Variants in CHD1 observed in about 807,000 individuals in gnomAD.
The protein encoded by CHD1 is ATP-dependent chromatin remodeler CHD1.
In CHD1, 36 loss-of-function variants were observed where a neutral mutation model predicts 224.2. The observed-to-expected ratio is 0.16, with a 90% CI of 0.12 to 0.21. The LOEUF is 0.21. CHD1 is among the 10% of genes least tolerant of loss of function. The pLI is 1.00. For missense variants in CHD1, 1,378 were observed against 1,994.8 expected (o/e 0.69, Z 5.89); for synonymous variants, 668 against 658.3 (o/e 1.01, Z -0.23).
chr5:98,862,644 A>AT, intron 32 of CHD1, among the ~76,000 whole-genome samples: 1 of 152,294 alleles, frequency 6.6e-6, no homozygotes, highest in South Asian at 2.1e-4. Flanking sequence ...GATGTTCCTT[A>AT]TTTCTCATCT....
chr5:98,905,981 C>T (rs1752025126), intron 2 of CHD1, among the ~76,000 whole-genome samples: 1 of 152,190 alleles, frequency 6.6e-6, no homozygotes, highest in East Asian at 1.9e-4. Context: ...TATGAGAAAC[C>T]ACAGGTAATA....
At chr5:98,904,407 T>C (rs1376540823) in intron 3 of CHD1, among the ~76,000 whole-genome samples, 1 of 152,220 alleles carries the variant, frequency 6.6e-6, no homozygotes, top group Non-Finnish European at 1.5e-5. Flanking sequence ...CCACGAAGTA[T>C]AGACAAGTTT....
intron 4 of CHD1, among the ~76,000 whole-genome samples, chr5:98,903,271 C>G (rs1268685483): frequency 1.3e-5 from 2 of 152,108 alleles, no homozygotes; most frequent in African/African-American, 4.8e-5. Flanking sequence ...TAGGTGCCAA[C>G]ATGCCAAATT....
In CHD1 at chr5:98,924,797, G is replaced by A. The variant is rs576088388; in HGVS notation, c.53+1537C>T. 3.0e-3 allele frequency among the ~76,000 whole-genome samples: 456 copies of A among 152,058 alleles called. 3 individuals are homozygous for A. Among genetic ancestry groups the A allele is most frequent in the African/African-American group, 0.01 (426 of 41,480 alleles). ...TCGAGACCAGCCTGGCCAATGTGGC[G>A]AAACCCCATCTCTACAAAAAAAATA... On this transcript the variant is annotated intron_variant, in intron 2 of 35. Transcript: ENST00000614616.
Position 98,867,673 on chromosome 5 carries a change from TAA to T in CHD1, c.4248+820_4248+821del, listed in dbSNP as rs111761436. ...AAAGTACTTGTTAAACCCCTCTTCTTAAAAGTCTTTATTAAAAAGTCTTTCCG... is the reference window on the plus strand; with the variant it reads ...AAAGTACTTGTTAAACCCCTCTTCTTAAGTCTTTATTAAAAAGTCTTTCCG... On this transcript the variant is annotated intron_variant, in intron 31 of 35. Coordinates refer to ENST00000614616, the MANE Select transcript of CHD1 (RefSeq NM_001270.4). 4.6e-3 allele frequency among the ~76,000 whole-genome samples: 702 copies of T among 152,266 alleles called. 8 individuals are homozygous for T. Among genetic ancestry groups the T allele is most frequent in the African/African-American group, 0.015 (644 of 41,580 alleles).
In CHD1 at chr5:98,897,273, G is replaced by A. The variant is rs555631818; in HGVS notation, c.1413C>T (p.Ser471=). Residue 471 remains serine, a synonymous_variant, in exon 11 of 36, where the codon TCC becomes TCT. Transcript: ENST00000614616. ...PRFVALKKQP[S]YIGGHEGLEL... ...CTAAGCCCTCATGTCCTCCAATATAGGATGGCTGCTTCTTCAGGGCTACAA... is the reference window on the plus strand; with the variant it reads ...CTAAGCCCTCATGTCCTCCAATATAAGATGGCTGCTTCTTCAGGGCTACAA... 2.4e-5 allele frequency: 38 copies of A among 1,610,992 alleles called. No homozygotes were observed. The Admixed American group carries it at 4.5e-4, about 19-fold the overall frequency.
chr5:98,900,496 GTCGTGCAA>G (rs1751632922), intron 7 of CHD1, among the ~76,000 whole-genome samples: 1 of 147,938 alleles, frequency 6.8e-6, no homozygotes, highest in African/African-American at 2.5e-5. Context: ...CTGGAGTGCA[GTCGTGCAA>G]TCTCAGCTCA....
chr5:98,868,589 G>A lies in CHD1; in HGVS notation c.4154C>T (p.Ser1385Leu), dbSNP rs1749080302. Residue 1385 changes from serine (S) to leucine (L), a missense_variant, in exon 31 of 36, where the codon TCA (serine) becomes TTA (leucine). Ser to Leu is a moderately radical substitution (Grantham distance 145). This residue lies in a region of CHD1 where 105 missense variants were observed against 93.4 expected (regional missense o/e 1.12). Coordinates refer to ENST00000614616, the MANE Select transcript of CHD1 (RefSeq NM_001270.4). ...GATATGAACTGGAGCATCTGACACT[G>A]AAGATTTCTTGGATCTTTCCCTACC... ...SDGRERSKKS[S>L]VSDAPVHITA... The A allele has an allele frequency of 1.2e-6, 2 of 1,607,914 alleles. No homozygotes were observed. Among genetic ancestry groups the A allele is most frequent in the Non-Finnish European group, 1.7e-6 (2 of 1,178,206 alleles).
rs745473724 is a variant in CHD1 at position 98,896,304 on chromosome 5, G to A, written c.1632C>T (p.Ser544=). 12 of 1,614,054 alleles carry A rather than the reference G, an allele frequency of 7.4e-6. No individual in the cohort carries two copies. The highest frequency in any genetic ancestry group is 3.3e-5 in the South Asian group (3 of 91,066). Residue 544 remains serine (S), a synonymous_variant, in exon 12 of 36, where the codon TCC becomes TCT. Transcript: ENST00000614616. ...LLVVPLSTLT[S]WQREIQTWAS... is the part of the protein sequence containing the mutation. ...CCCAAGTCTGAATTTCCCTTTGCCAGGAAGTAAGAGTGGAGAGCGGTACTA... is the reference window on the plus strand; with the variant it reads ...CCCAAGTCTGAATTTCCCTTTGCCAAGAAGTAAGAGTGGAGAGCGGTACTA...
rs1355141368 is a variant in CHD1 at position 98,854,159 on chromosome 5, A to C, written c.*2221T>G. ...TATTTATGTACTAATGTTCTTCACCATTGCGTCTTAATTTTTCTGATTTCT... is the reference window on the plus strand; with the variant it reads ...TATTTATGTACTAATGTTCTTCACCCTTGCGTCTTAATTTTTCTGATTTCT... On this transcript the variant is annotated 3_prime_UTR_variant, in exon 36 of 36. Coordinates refer to ENST00000614616, the MANE Select transcript of CHD1 (RefSeq NM_001270.4). 1 of 148,302 alleles carries C rather than the reference A, an allele frequency of 6.7e-6. No homozygotes were observed. Among genetic ancestry groups the C allele is most frequent in the Non-Finnish European group, 1.5e-5 (1 of 67,268 alleles). 9.2% of individuals were successfully genotyped at this position (148,302 alleles called of 1,614,324 possible).
At chr5:98,914,523 A>G (rs2112605525) in intron 2 of CHD1, among the ~76,000 whole-genome samples, 1 of 152,268 alleles carries the variant, frequency 6.6e-6, no homozygotes, top group East Asian at 1.9e-4. Context: ...CATAGAAAAA[A>G]AAAATACCTT....
intron 2 of CHD1, among the ~76,000 whole-genome samples, chr5:98,909,101 A>C (rs904825167): frequency 2.6e-5 from 4 of 152,102 alleles, no homozygotes; most frequent in Non-Finnish European, 5.9e-5. Flanking sequence ...TGCAATACCA[A>C]TATCTCTTAA....
intron 18 of CHD1, chr5:98,883,857 A>AT (rs1750414329): frequency 5.8e-5 from 2 of 34,568 alleles, no homozygotes; most frequent in East Asian, 7.9e-4. Context: ...ATATATATAT[A>AT]TATATTTTTT....
chr5:98,858,564 A>T (rs887000445), intron 34 of CHD1, 174 bp from the exon 35 acceptor site: 46 of 549,480 alleles, frequency 8.4e-5, no homozygotes, highest in East Asian at 6.6e-4. Flanking sequence ...AGGATTAATT[A>T]AAAAAGGTTG....
chr5:98,897,916 TTC>T (rs954066836), intron 10 of CHD1, among the ~76,000 whole-genome samples: 2 of 152,190 alleles, frequency 1.3e-5, no homozygotes, highest in Non-Finnish European at 1.5e-5. Flanking sequence ...AAGGGTTTTT[TTC>T]TGTTTATTCT....
At chr5:98,882,372 T>A (rs60347955) in intron 19 of CHD1, among the ~76,000 whole-genome samples, 43 of 148,248 alleles carry the variant, frequency 2.9e-4, no homozygotes, top group African/African-American at 1.0e-3. Flanking sequence ...TATTTTTTTT[T>A]AAAGGAATGA....
intron 35 of CHD1, 101 bp downstream of exon 35, chr5:98,858,079 C>T (rs947605025): frequency 4.8e-6 from 4 of 827,314 alleles, no homozygotes; most frequent in Non-Finnish European, 7.9e-6. Context: ...TTTGTTTTGA[C>T]TGCATGAAGA....
At chr5:98,919,534 A>G (rs1387035500) in intron 2 of CHD1, among the ~76,000 whole-genome samples, 1 of 152,226 alleles carries the variant, frequency 6.6e-6, no homozygotes, top group Non-Finnish European at 1.5e-5. Flanking sequence ...CTCTTGATAA[A>G]GTATATCCTA....
chr5:98,907,649 T>C (rs2112563747), intron 2 of CHD1, among the ~76,000 whole-genome samples: 1 of 149,942 alleles, frequency 6.7e-6, no homozygotes, highest in Non-Finnish European at 1.5e-5. Context: ...TATAGAATGA[T>C]CTAAGATACA....
Sources: allele counts gnomAD v4.1 joint callset (sites outside exome capture counted in the v4.1 genomes callset), GRCh38; gene constraint gnomAD v4.1.1; regional missense constraint gnomAD v4.1.1; transcripts MANE v1.5; gene names NCBI Gene and HGNC (gene_info 2026-07-23, HGNC 2026-07-21).